The following AFAP1 variants were observed in gnomAD, a reference collection of about 807,000 sequenced individuals.
The protein encoded by AFAP1 is actin filament-associated protein 1.
A neutral mutation model predicts 93.9 loss-of-function variants in AFAP1; 75 were observed. The observed-to-expected ratio is 0.80, with a 90% CI of 0.66 to 0.97. AFAP1 has a LOEUF of 0.97. AFAP1 is among the 50% of genes least tolerant of loss of function. AFAP1 has a pLI of 0.00. For synonymous variants in AFAP1, 517 were observed against 430.7 expected (o/e 1.20, Z -2.48); for missense variants, 1,201 against 1,050.8 (o/e 1.14, Z -1.98).
At chr4:7,769,124 C>T in intron 16 of AFAP1, 116 bp from the exon 17 acceptor site, 4 of 1,326,376 alleles carry the variant, frequency 3.0e-6, no homozygotes, top group Non-Finnish European at 4.1e-6. Flanking sequence ...GCAAAAATAA[C>T]AGCAGTAGCA....
chr4:7,792,041 C>T (rs183991275), intron 11 of AFAP1, among the ~76,000 whole-genome samples: 93 of 152,310 alleles, frequency 6.1e-4, no homozygotes, highest in African/African-American at 2.2e-3. Flanking sequence ...ACACCTGCTT[C>T]TGCCCTCTGT....
intron 3 of AFAP1, among the ~76,000 whole-genome samples, chr4:7,857,271 G>A (rs1011962833): frequency 2.0e-5 from 3 of 152,044 alleles, no homozygotes; most frequent in Admixed American, 6.6e-5. Flanking sequence ...CAGAAAGTAC[G>A]ACTCCATCGC....
chr4:7,851,778 C>T (rs541096055), intron 4 of AFAP1, among the ~76,000 whole-genome samples: 6 of 152,298 alleles, frequency 3.9e-5, no homozygotes, highest in African/African-American at 7.2e-5. Flanking sequence ...TTACCCCATC[C>T]CCACGCCCTG....
chr4:7,798,844 G>A lies in AFAP1; in HGVS notation c.1266+1598C>T, dbSNP rs762476401. On this transcript the variant is annotated intron_variant, in intron 10 of 17. Transcript: ENST00000420658. ...CTTCCACCCACCCCCACCGCACCCC[G>A]AGCTTCTCTGTCTGGGCACTTGCCC... 1.2e-4 allele frequency: 68 copies of A among 578,388 alleles called. No individual in the cohort carries two copies. In the East Asian group the frequency reaches 2.2e-3, roughly 19 times the overall value. The allele number at this position is 578,388 out of a possible 1,614,324, so 35.8% of individuals were successfully genotyped here. A position where few individuals can be genotyped will look rare whatever the true frequency, so the allele number is the denominator to read the frequency against.
At chr4:7,905,879 G>A (rs1211095637) in intron 1 of AFAP1, among the ~76,000 whole-genome samples, 1 of 152,218 alleles carries the variant, frequency 6.6e-6, no homozygotes, top group Non-Finnish European at 1.5e-5. Context: ...AGCCTGCAGT[G>A]TGGAGGCAGG....
chr4:7,920,746 G>A (rs951831934), intron 1 of AFAP1, among the ~76,000 whole-genome samples: 4 of 152,152 alleles, frequency 2.6e-5, no homozygotes, highest in African/African-American at 9.7e-5. Flanking sequence ...TGAAAGGTCT[G>A]AAAAGTCGAA....
chr4:7,891,784 T>A (rs1718488455), intron 1 of AFAP1, among the ~76,000 whole-genome samples: 1 of 145,124 alleles, frequency 6.9e-6, no homozygotes, highest in Non-Finnish European at 1.5e-5. Flanking sequence ...CGTGGTGGCT[T>A]ACACCTATAA....
chr4:7,902,794 G>A (rs1284310419), intron 1 of AFAP1, among the ~76,000 whole-genome samples: 1 of 152,054 alleles, frequency 6.6e-6, no homozygotes, highest in Non-Finnish European at 1.5e-5. Flanking sequence ...GGGCAGACAG[G>A]GACTCTACCG....
At chr4:7,882,413 G>A (rs1278974641) in intron 1 of AFAP1, among the ~76,000 whole-genome samples, 1 of 148,576 alleles carries the variant, frequency 6.7e-6, no homozygotes, top group African/African-American at 2.5e-5. Context: ...TTTTTTTGAA[G>A]CAAATATAAA....
intron 1 of AFAP1, among the ~76,000 whole-genome samples, chr4:7,936,759 T>C (rs1025827997): frequency 6.6e-6 from 1 of 152,042 alleles, no homozygotes; most frequent in African/African-American, 2.4e-5. Context: ...CTTTTTGTAT[T>C]TTTAGTGGAG....
rs113667074 is a variant in AFAP1, at chr4:7,918,883, G to T, written c.-3+20773C>A. Among the ~76,000 whole-genome samples the T allele has an allele frequency of 6.4e-3, 260 of 40,634 alleles. 4 individuals are homozygous for T. The East Asian group carries it at 0.25, about 39-fold the overall frequency. 26.7% of individuals were successfully genotyped at this position (40,634 alleles called of 152,430 possible). On this transcript the variant is annotated intron_variant, in intron 1 of 17. Transcript: ENST00000420658. ...CAGGTCACCAGGAAACAGGGCTGCC[G>T]GAAGAGACACTCGGCCCAGGTCACC...
chr4:7,790,919 G>C (rs982341641), intron 11 of AFAP1, among the ~76,000 whole-genome samples: 1 of 152,160 alleles, frequency 6.6e-6, no homozygotes, highest in Non-Finnish European at 1.5e-5. Context: ...CACTTGTCAA[G>C]GCTATTGACC....
chr4:7,800,294 G>A lies in AFAP1; in HGVS notation c.1266+148C>T. 9.1e-6 allele frequency: 7 copies of A among 769,278 alleles called. No individual in the cohort carries two copies. The South Asian group carries it at 1.0e-4, about 11-fold the overall frequency. The allele number at this position is 769,278 out of a possible 1,614,324, so 47.7% of individuals were successfully genotyped here. Reference sequence around the variant, plus strand: ...GAAGTAAAGCAAAGACTCATGGACTGGGCAGTGAGAGAAAAGAGGGTGGGC... The same window carrying A: ...GAAGTAAAGCAAAGACTCATGGACTAGGCAGTGAGAGAAAAGAGGGTGGGC... On this transcript the variant is annotated intron_variant, in intron 10 of 17. Transcript: ENST00000420658.
intron 1 of AFAP1, among the ~76,000 whole-genome samples, chr4:7,889,702 T>A (rs375951445): frequency 7.1e-4 from 55 of 77,666 alleles, no homozygotes; most frequent in African/African-American, 1.3e-3. Context: ...TTTTTTTTTT[T>A]TTAAAAAAAG....
Position 7,819,149 on chromosome 4 carries a change from C to T in AFAP1, c.749G>A (p.Gly250Asp). ...WLKVIKEAYS[G>D]CSGPVDSECP... Reference sequence around the variant, plus strand: ...CTCTGAATCCACGGGGCCACTACAACCACTGTAGGCTTCTTTGATCACCTA... The same window carrying T: ...CTCTGAATCCACGGGGCCACTACAATCACTGTAGGCTTCTTTGATCACCTA... Residue 250 changes from glycine to aspartate, a missense_variant, in exon 7 of 18, where the codon GGT (glycine) becomes GAT (aspartate). Coordinates refer to ENST00000420658, the MANE Select transcript of AFAP1 (RefSeq NM_001134647.2). 1 of 1,613,114 alleles carries T rather than the reference C, an allele frequency of 6.2e-7. No homozygotes were observed. The highest frequency in any genetic ancestry group is 1.3e-5 in the African/African-American group (1 of 74,952).
chr4:7,821,272 C>A (rs150501268), intron 6 of AFAP1, among the ~76,000 whole-genome samples: 2 of 152,272 alleles, frequency 1.3e-5, no homozygotes, highest in African/African-American at 4.8e-5. Flanking sequence ...CAGTGAGATC[C>A]GCTATGGAAG....
At chr4:7,819,976 T>C (rs190819639) in intron 6 of AFAP1, among the ~76,000 whole-genome samples, 1 of 152,338 alleles carries the variant, frequency 6.6e-6, no homozygotes. Context: ...TAACCAGCAC[T>C]TGATTGTTAA....
At chr4:7,831,796 G>A (rs577038777) in intron 6 of AFAP1, among the ~76,000 whole-genome samples, 6 of 152,358 alleles carry the variant, frequency 3.9e-5, no homozygotes, top group African/African-American at 1.4e-4. Context: ...ATGGGTACAG[G>A]TGACCAAAAG....
chr4:7,817,855 A>G (rs185938772), intron 7 of AFAP1, among the ~76,000 whole-genome samples: 22 of 151,842 alleles, frequency 1.4e-4, no homozygotes, highest in African/African-American at 5.1e-4. Flanking sequence ...AGTGGTTAAT[A>G]TATCAGTAGT....
Sources: gnomAD v4.1 joint callset for allele counts (sites outside exome capture counted in the v4.1 genomes callset) on GRCh38, gnomAD v4.1.1 for gene constraint, MANE v1.5 for transcripts, NCBI Gene and HGNC (gene_info 2026-07-23, HGNC 2026-07-21) for gene names.